NDST4: variants seen among roughly 807,000 people sequenced by gnomAD.
The protein encoded by NDST4 is N-heparan sulfate sulfotransferase 4.
NDST4 carries 63 observed loss-of-function variants against 100.8 expected under a neutral mutation model. That is an observed-to-expected ratio of 0.62 (90% CI 0.51 to 0.77). NDST4 has a LOEUF of 0.77. Among genes scored for constraint, NDST4 ranks in the 30% least tolerant of loss-of-function variants. The pLI is 0.00. For synonymous variants in NDST4, 377 were observed against 361.8 expected, an observed-to-expected ratio of 1.04 and a Z score of -0.48; for missense variants, 943 against 1,018.4, an observed-to-expected ratio of 0.93 and a Z score of 1.01.
chr4:114,903,691 G>A (rs577028391), intron 6 of NDST4, among the ~76,000 whole-genome samples: 47 of 152,108 alleles, frequency 3.1e-4, no homozygotes, highest in African/African-American at 1.1e-3. Context: ...GAATGGAGTT[G>A]CGACTGCCAA....
At chr4:115,057,151 G>A (rs1011252437) in intron 2 of NDST4, among the ~76,000 whole-genome samples, 1 of 152,114 alleles carries the variant, frequency 6.6e-6, no homozygotes, top group Non-Finnish European at 1.5e-5. Flanking sequence ...TTTCTCTGGA[G>A]TAAATGGTCC....
intron 6 of NDST4, among the ~76,000 whole-genome samples, chr4:114,907,035 C>A (rs1578380185): frequency 6.6e-6 from 1 of 151,974 alleles, no homozygotes; most frequent in Non-Finnish European, 1.5e-5. Flanking sequence ...TGGGAAAGTA[C>A]ATTAGAATTA....
intron 2 of NDST4, among the ~76,000 whole-genome samples, chr4:114,984,772 G>A (rs1393086567): frequency 6.6e-6 from 1 of 152,092 alleles, no homozygotes; most frequent in Non-Finnish European, 1.5e-5. Flanking sequence ...GCAAGTTTGT[G>A]TGCCTACCTC....
intron 4 of NDST4, among the ~76,000 whole-genome samples, chr4:114,955,197 C>G (rs550149547): frequency 3.9e-5 from 6 of 152,280 alleles, no homozygotes; most frequent in African/African-American, 1.4e-4. Context: ...ATGGAGGCAG[C>G]TCAGCATCAA....
intron 2 of NDST4, among the ~76,000 whole-genome samples, chr4:115,072,672 T>C (rs1033325540): frequency 1.3e-5 from 2 of 151,858 alleles, no homozygotes; most frequent in African/African-American, 2.4e-5. Context: ...TCTCACACTA[T>C]ATAAAAAAAC....
rs903424930 is a variant in NDST4 at position 114,991,681 on chromosome 4, G to T, written c.979-14407C>A. On this transcript the variant is annotated intron_variant, in intron 2 of 13. Transcript: ENST00000264363. Reference sequence around the variant, plus strand: ...TCAAAACAGATAATATGAACAACTTGTTACTTATATAAAATTTAATACAAA... The same window carrying T: ...TCAAAACAGATAATATGAACAACTTTTTACTTATATAAAATTTAATACAAA... Among the ~76,000 whole-genome samples, 11 of 152,012 alleles carry T rather than the reference G, an allele frequency of 7.2e-5. 1 individual carries two copies. Among genetic ancestry groups the T allele is most frequent in the Middle Eastern group, 3.4e-3 (1 of 294 alleles).
rs373655100 is a variant in NDST4 at position 114,894,639 on chromosome 4, G to A, written c.1537-23689C>T. On this transcript the variant is annotated intron_variant, in intron 6 of 13. Transcript: ENST00000264363. ...TGCTTATCAGTTCAAGAAACTTTTG[G>A]GCTGAGATGATGAGGTTTCCTAAAT... 2.0e-3 allele frequency among the ~76,000 whole-genome samples: 305 copies of A among 152,148 alleles called. 3 individuals carry two copies. Among genetic ancestry groups the A allele is most frequent in the Admixed American group, 6.9e-3 (106 of 15,268 alleles).
chr4:114,856,644 C>A (rs1244005798), intron 7 of NDST4, among the ~76,000 whole-genome samples: 1 of 152,158 alleles, frequency 6.6e-6, no homozygotes, highest in Non-Finnish European at 1.5e-5. Flanking sequence ...TAGGCCGATT[C>A]TTCCCAGTGT....
At chr4:114,965,897 G>A (rs1726369385) in intron 4 of NDST4, among the ~76,000 whole-genome samples, 1 of 151,650 alleles carries the variant, frequency 6.6e-6, no homozygotes, top group African/African-American at 2.4e-5. Flanking sequence ...TTTTATTAGT[G>A]CTTTCATGTT....
Position 114,839,355 on chromosome 4 carries a change from AG to A in NDST4, c.2286+22del, listed in dbSNP as rs755822586. ...AGGACATTATAATAAAATAAACAGA[AG>A]AAAGTAATTTCAGGACATTACCTGA... On this transcript the variant is annotated intron_variant, in intron 11 of 13. Coordinates refer to ENST00000264363, the MANE Select transcript of NDST4 (RefSeq NM_022569.3). 4 of 1,583,700 alleles carry A rather than the reference AG, an allele frequency of 2.5e-6. No homozygotes were observed. In the African/African-American group the frequency reaches 5.4e-5, roughly 21 times the overall value.
At chr4:115,051,162 A>G (rs1460208848) in intron 2 of NDST4, among the ~76,000 whole-genome samples, 2 of 152,054 alleles carry the variant, frequency 1.3e-5, no homozygotes, top group Non-Finnish European at 2.9e-5. Context: ...AATTTTATTG[A>G]ACTATGACCT....
intron 1 of NDST4, among the ~76,000 whole-genome samples, chr4:115,109,236 G>C (rs78982059): frequency 6.6e-6 from 1 of 151,798 alleles, no homozygotes; most frequent in African/African-American, 2.4e-5. Context: ...CTTTTTACTT[G>C]AATATAGTGA....
chr4:115,071,041 G>T (rs561087008), intron 2 of NDST4, among the ~76,000 whole-genome samples: 2 of 151,842 alleles, frequency 1.3e-5, no homozygotes, highest in Non-Finnish European at 2.9e-5. Flanking sequence ...GGAGGTGGAG[G>T]TTGTAATGAG....
At chr4:114,940,378 G>A (rs1725722147) in intron 4 of NDST4, among the ~76,000 whole-genome samples, 2 of 152,154 alleles carry the variant, frequency 1.3e-5, no homozygotes, top group South Asian at 4.1e-4. Flanking sequence ...TAGCACTAAA[G>A]CTCTAACAGC....
In NDST4 at chr4:114,958,191, A is replaced by G. The variant is rs375706989; in HGVS notation, c.1221+12239T>C. ...GCCCCTGCAGCACACCTCAGCGTGG[A>G]CATCCAGGCATTTCCATACATGCTC... On this transcript the variant is annotated intron_variant, in intron 4 of 13. Transcript: ENST00000264363. 5.9e-5 allele frequency among the ~76,000 whole-genome samples: 9 copies of G among 152,336 alleles called. No homozygotes were observed. In the East Asian group the frequency reaches 1.2e-3, roughly 20 times the overall value.
chr4:115,068,711 G>A (rs1305512661), intron 2 of NDST4, among the ~76,000 whole-genome samples: 2 of 150,678 alleles, frequency 1.3e-5, no homozygotes, highest in African/African-American at 2.4e-5. Context: ...CAGCTACTCA[G>A]GAGGCTGAGG....
chr4:115,017,024 T>A (rs1388039613), intron 2 of NDST4, among the ~76,000 whole-genome samples: 1 of 151,676 alleles, frequency 6.6e-6, no homozygotes, highest in African/African-American at 2.4e-5. Flanking sequence ...TGTGTGTGTA[T>A]TCAAATTAGG....
At chr4:115,062,554 A>G (rs927927637) in intron 2 of NDST4, among the ~76,000 whole-genome samples, 2 of 151,864 alleles carry the variant, frequency 1.3e-5, no homozygotes, top group African/African-American at 2.4e-5. Flanking sequence ...ATATAAAAAG[A>G]CATGAAATAT....
chr4:115,068,689 T>C (rs1441531282), intron 2 of NDST4, among the ~76,000 whole-genome samples: 1 of 146,748 alleles, frequency 6.8e-6, no homozygotes, highest in Non-Finnish European at 1.5e-5. Context: ...TGGTGGTGAG[T>C]GCCTGCATTC....
Sources: allele counts gnomAD v4.1 joint callset (sites outside exome capture counted in the v4.1 genomes callset), GRCh38; gene constraint gnomAD v4.1.1; transcripts MANE v1.5; gene names NCBI Gene and HGNC (gene_info 2026-07-23, HGNC 2026-07-21).